The following OTULINL variants were observed in gnomAD, a reference collection of about 807,000 sequenced individuals.
OTULINL encodes inactive ubiquitin thioesterase OTULINL.
A neutral mutation model predicts 43.9 loss-of-function variants in OTULINL; 42 were observed. That is an observed-to-expected ratio of 0.96 (90% CI 0.75 to 1.24). OTULINL has a LOEUF of 1.24. Among genes scored for constraint, OTULINL ranks in the 50% most tolerant of loss-of-function variants. The pLI, the probability that OTULINL is intolerant of heterozygous loss-of-function variation, is 0.00. For synonymous variants in OTULINL, 172 were observed against 153.6 expected, an observed-to-expected ratio of 1.12 and a Z score of -0.88; for missense variants, 411 against 426.4, an observed-to-expected ratio of 0.96 and a Z score of 0.32.
At chr5:14,587,999 T>A (rs1759136967) in intron 1 of OTULINL, among the ~76,000 whole-genome samples, 1 of 152,184 alleles carries the variant, frequency 6.6e-6, no homozygotes, top group Non-Finnish European at 1.5e-5. Flanking sequence ...AAAGGCTCTT[T>A]ATTAGAACTA....
Position 14,591,601 on chromosome 5 carries a change from G to A in OTULINL, c.65-9364G>A, listed in dbSNP as rs574209833. 1.0e-3 allele frequency among the ~76,000 whole-genome samples: 155 copies of A among 152,272 alleles called. 2 individuals are homozygous for A. The highest frequency in any genetic ancestry group is 3.6e-3 in the African/African-American group (150 of 41,556). ...GAGCCAGAACCCCACCTCCAGGAAG[G>A]CCTCTCCACCGGGAAACTTGAGAGT... is the stretch of plus-strand genomic sequence containing the variant. On this transcript the variant is annotated intron_variant, in intron 1 of 7. Transcript: ENST00000274217.
At chr5:14,593,484 G>C (rs1427990476) in intron 1 of OTULINL, among the ~76,000 whole-genome samples, 1 of 152,192 alleles carries the variant, frequency 6.6e-6, no homozygotes, top group Non-Finnish European at 1.5e-5. Flanking sequence ...CGAATGAGTT[G>C]TCTCTCCCAG....
intron 1 of OTULINL, among the ~76,000 whole-genome samples, chr5:14,595,640 C>CTT (rs61482298): frequency 1.3e-3 from 75 of 57,118 alleles, no homozygotes; most frequent in East Asian, 1.5e-3. Flanking sequence ...AAAAACGGTG[C>CTT]TTTTTTTTTT....
At position 14,595,082 on chromosome 5, in the gene OTULINL, T is replaced by C. The variant is rs1304525994; in HGVS notation, c.65-5883T>C. On this transcript the variant is annotated intron_variant, in intron 1 of 7. Transcript: ENST00000274217. ...TTTCACTGTATGTATATTTCTTCAC[T>C]TTCTCTGCGACCTCAGACATCTAAA... Among the ~76,000 whole-genome samples, 3 of 152,186 alleles carry C rather than the reference T, an allele frequency of 2.0e-5. No homozygotes were observed. In the East Asian group the frequency reaches 5.8e-4, roughly 29 times the overall value.
intron 1 of OTULINL, among the ~76,000 whole-genome samples, chr5:14,596,477 C>T (rs892943028): frequency 6.6e-6 from 1 of 152,208 alleles, no homozygotes; most frequent in African/African-American, 2.4e-5. Flanking sequence ...CAAGATGTCT[C>T]ATTACGGTGT....
intron 1 of OTULINL, among the ~76,000 whole-genome samples, chr5:14,592,181 T>C (rs1371834055): frequency 6.6e-6 from 1 of 152,120 alleles, no homozygotes; most frequent in South Asian, 2.1e-4. Flanking sequence ...ACCCAGGACA[T>C]TGTGTTTGAC....
At chr5:14,585,982 A>G (rs1043461879) in intron 1 of OTULINL, among the ~76,000 whole-genome samples, 7 of 152,270 alleles carry the variant, frequency 4.6e-5, no homozygotes, top group Non-Finnish European at 2.9e-5. Flanking sequence ...AGGTCTGGGT[A>G]CAGGAGGAGA....
In OTULINL at chr5:14,612,281, T is replaced by C. The variant is rs1310462926; in HGVS notation, c.*1967T>C. ...TGGCTCCACTTGAGCTGTCCAGAAGTGTACCTGACATTTGTGTATTACCAC... is the reference window on the plus strand; with the variant it reads ...TGGCTCCACTTGAGCTGTCCAGAAGCGTACCTGACATTTGTGTATTACCAC... On this transcript the variant is annotated 3_prime_UTR_variant, in exon 8 of 8. Transcript: ENST00000274217. The C allele has an allele frequency of 6.6e-6, 1 of 152,250 alleles. No individual in the cohort carries two copies. Among genetic ancestry groups the C allele is most frequent in the Non-Finnish European group, 1.5e-5 (1 of 68,046 alleles). 9.4% of individuals were successfully genotyped at this position (152,250 alleles called of 1,614,324 possible).
chr5:14,609,620 GATTTTTTTTT>G (rs779242901), intron 7 of OTULINL, among the ~76,000 whole-genome samples: 8 of 104,332 alleles, frequency 7.7e-5, no homozygotes, highest in Non-Finnish European at 8.8e-5. Context: ...TTTTTCCTGT[GATTTTTTTTT>G]TTTTTTTTTT....
chr5:14,586,875 CA>C (rs768331767), intron 1 of OTULINL, among the ~76,000 whole-genome samples: 2,191 of 138,060 alleles, frequency 0.016, 31 homozygotes, highest in African/African-American at 0.047. Flanking sequence ...TTCACTGTTT[CA>C]AAAAAAAAAA....
Position 14,614,771 on chromosome 5 carries a change from C to T in OTULINL, c.*4457C>T, listed in dbSNP as rs1048994332. 3 of 398,462 alleles carry T rather than the reference C, an allele frequency of 7.5e-6. No individual in the cohort carries two copies. The highest frequency in any genetic ancestry group is 2.1e-5 in the African/African-American group (1 of 48,608). The allele number at this position is 398,462 out of a possible 1,614,324, so 24.7% of individuals were successfully genotyped here. On this transcript the variant is annotated 3_prime_UTR_variant, in exon 8 of 8. Transcript: ENST00000274217. ...CCAGCATGGAGGAGGGCTGTGTGAG[C>T]AGACTGCTATAGAATGCTAAAGTTA...
At chr5:14,582,256 G>A (rs1326915298) in intron 1 of OTULINL, among the ~76,000 whole-genome samples, 3 of 152,082 alleles carry the variant, frequency 2.0e-5, no homozygotes, top group South Asian at 4.1e-4. Context: ...CTGGAAGAAA[G>A]CCGGTCTTTG....
chr5:14,582,010 A>T, intron 1 of OTULINL, 52 bp downstream of exon 1: 2 of 1,188,588 alleles, frequency 1.7e-6, no homozygotes, highest in African/African-American at 3.2e-5. Flanking sequence ...AGGGACCGTC[A>T]AGGCGGGCGG....
chr5:14,606,705 G>A (rs1759486864), intron 5 of OTULINL, among the ~76,000 whole-genome samples: 1 of 152,184 alleles, frequency 6.6e-6, no homozygotes, highest in African/African-American at 2.4e-5. Context: ...GTTCCCTGAT[G>A]TAATATACTG....
rs114757460 is a variant in OTULINL at position 14,603,343 on chromosome 5, A to G, written c.498+1011A>G. On this transcript the variant is annotated intron_variant, in intron 5 of 7. Coordinates refer to ENST00000274217, the MANE Select transcript of OTULINL (RefSeq NM_019018.3). ...TTTCATATTGAGGGGATAAGTAGCT[A>G]GGAGTGAGACTGCCTGCTTGTATGC... Among the ~76,000 whole-genome samples the G allele has an allele frequency of 7.6e-3, 1,156 of 152,342 alleles. 18 individuals carry two copies. The highest frequency in any genetic ancestry group is 0.024 in the African/African-American group (1,018 of 41,584).
chr5:14,610,135 C>T lies in OTULINL; in HGVS notation c.898-6C>T, dbSNP rs746274711. The T allele has an allele frequency of 1.2e-6, 2 of 1,610,072 alleles. No homozygotes were observed. Among genetic ancestry groups the T allele is most frequent in the Admixed American group, 1.7e-5 (1 of 59,932 alleles). ...ATCTGTGACCTGTCTTTCATCTCAT[C>T]CACAGATTGATATGTTTATACTTGG... On this transcript the variant is annotated splice_polypyrimidine_tract_variant and splice_region_variant and intron_variant, in intron 7 of 7. Coordinates refer to ENST00000274217, the MANE Select transcript of OTULINL (RefSeq NM_019018.3).
chr5:14,604,996 C>T (rs1019398140), intron 5 of OTULINL, among the ~76,000 whole-genome samples: 4 of 152,200 alleles, frequency 2.6e-5, no homozygotes, highest in Admixed American at 6.5e-5. Context: ...CACTAGGCAG[C>T]ACCCCAGTGG....
intron 5 of OTULINL, among the ~76,000 whole-genome samples, chr5:14,605,694 ATC>A (rs1181625117): frequency 3.3e-5 from 5 of 152,180 alleles, no homozygotes; most frequent in Non-Finnish European, 7.3e-5. Context: ...ACTCTAAATC[ATC>A]TCTCTCAAGT....
At chr5:14,589,182 C>A (rs948079649) in intron 1 of OTULINL, among the ~76,000 whole-genome samples, 1 of 152,312 alleles carries the variant, frequency 6.6e-6, no homozygotes, top group African/African-American at 2.4e-5. Flanking sequence ...TAATCAAACA[C>A]AAACACAATT....
Sources: gnomAD v4.1 joint callset for allele counts (sites outside exome capture counted in the v4.1 genomes callset) on GRCh38, gnomAD v4.1.1 for gene constraint, MANE v1.5 for transcripts, NCBI Gene and HGNC (gene_info 2026-07-23, HGNC 2026-07-21) for gene names.